The following TXK variants were observed in gnomAD, a reference collection of about 807,000 sequenced individuals.
TXK encodes the protein tyrosine-protein kinase TXK.
In TXK, 60 loss-of-function variants were observed where a neutral mutation model predicts 81.0. The observed-to-expected ratio is 0.74, with a 90% CI of 0.60 to 0.92. The LOEUF (loss-of-function observed/expected upper bound fraction) is 0.92, where lower values mean the gene tolerates loss of function less well. Ranked by LOEUF, TXK falls within the 40% of genes least tolerant of loss-of-function variation. TXK has a pLI of 0.00. For synonymous variants in TXK, 203 were observed against 210.7 expected, an observed-to-expected ratio of 0.96 and a Z score of 0.32; for missense variants, 581 against 638.3, an observed-to-expected ratio of 0.91 and a Z score of 0.97.
In TXK at chr4:48,101,202, T is replaced by C. The variant is rs372717193; in HGVS notation, c.501+3699A>G. Among the ~76,000 whole-genome samples the C allele has an allele frequency of 8.5e-5, 13 of 152,216 alleles. No homozygotes were observed. In the East Asian group the frequency reaches 1.3e-3, roughly 16 times the overall value. On this transcript the variant is annotated intron_variant, in intron 6 of 14. Transcript: ENST00000264316. ...TGCCATGAATTGTTTGTGCAATAAA[T>C]TTGAAAATAAATTTAAAATAGGCAA... is the stretch of plus-strand genomic sequence containing the variant.
chr4:48,102,635 C>A (rs1472865), intron 6 of TXK, among the ~76,000 whole-genome samples: 7 of 152,032 alleles, frequency 4.6e-5, no homozygotes, highest in African/African-American at 1.4e-4. Context: ...CCATCTCGCC[C>A]TTGTGTACAA....
chr4:48,095,071 A>C (rs1717930919), intron 7 of TXK, 72 bp downstream of exon 7: 2 of 1,273,492 alleles, frequency 1.6e-6, no homozygotes. Flanking sequence ...CTAAGCTCTC[A>C]CTAACATTCT....
At chr4:48,099,817 C>A (rs1194515153) in intron 6 of TXK, among the ~76,000 whole-genome samples, 2 of 152,120 alleles carry the variant, frequency 1.3e-5, no homozygotes, top group African/African-American at 4.8e-5. Flanking sequence ...TGGTAACCAT[C>A]CAGAAAACAA....
At chr4:48,108,771 A>G (rs1460346829) in intron 5 of TXK, among the ~76,000 whole-genome samples, 1 of 152,226 alleles carries the variant, frequency 6.6e-6, no homozygotes, top group Middle Eastern at 3.2e-3. Flanking sequence ...TAGCAGTTGT[A>G]GCCCCAGAGT....
At chr4:48,093,041 C>CT (rs1446610841) in intron 8 of TXK, among the ~76,000 whole-genome samples, 1 of 152,188 alleles carries the variant, frequency 6.6e-6, no homozygotes, top group Non-Finnish European at 1.5e-5. Context: ...ACCACTCTTT[C>CT]TTTTTTCTTT....
At chr4:48,102,973 G>A (rs1256935636) in intron 6 of TXK, among the ~76,000 whole-genome samples, 1 of 152,112 alleles carries the variant, frequency 6.6e-6, no homozygotes, top group South Asian at 2.1e-4. Flanking sequence ...CCCTTCTACC[G>A]CGATTGCCTC....
At chr4:48,132,243 A>G in intron 1 of TXK, among the ~76,000 whole-genome samples, 1 of 152,158 alleles carries the variant, frequency 6.6e-6, no homozygotes. Context: ...GCTTGGTTCC[A>G]TCGTCACCTA....
intron 9 of TXK, among the ~76,000 whole-genome samples, chr4:48,087,258 C>G (rs1453122412): frequency 6.6e-6 from 1 of 151,940 alleles, no homozygotes; most frequent in Non-Finnish European, 1.5e-5. Flanking sequence ...TAAAATAACC[C>G]TCTTGAAAAC....
At chr4:48,129,162 T>C (rs145553226) in intron 1 of TXK, among the ~76,000 whole-genome samples, 2 of 152,236 alleles carry the variant, frequency 1.3e-5, no homozygotes, top group African/African-American at 4.8e-5. Flanking sequence ...TCTGAGTTTA[T>C]GCCCTTTATA....
chr4:48,118,884 C>T (rs1208640946), intron 1 of TXK, among the ~76,000 whole-genome samples: 1 of 152,260 alleles, frequency 6.6e-6, no homozygotes, highest in East Asian at 1.9e-4. Context: ...GAAAACTTGA[C>T]ATACTTAGAT....
intron 6 of TXK, among the ~76,000 whole-genome samples, chr4:48,098,583 G>A (rs989428559): frequency 2.0e-5 from 3 of 151,324 alleles, no homozygotes; most frequent in South Asian, 4.1e-4. Flanking sequence ...ATAGGAATGC[G>A]TGTGTACTTC....
chr4:48,117,138 C>T (rs1718834701), intron 1 of TXK, among the ~76,000 whole-genome samples: 1 of 152,164 alleles, frequency 6.6e-6, no homozygotes, highest in South Asian at 2.1e-4. Flanking sequence ...TCCGCCCAAC[C>T]TGGCCTCCCA....
intron 1 of TXK, among the ~76,000 whole-genome samples, chr4:48,114,742 C>T (rs893598489): frequency 6.6e-6 from 1 of 152,172 alleles, no homozygotes; most frequent in African/African-American, 2.4e-5. Context: ...AAGTGATGCT[C>T]TCCTAGGAAA....
At chr4:48,070,362 T>C (rs1468942862) in intron 14 of TXK, among the ~76,000 whole-genome samples, 1 of 152,240 alleles carries the variant, frequency 6.6e-6, no homozygotes, top group Non-Finnish European at 1.5e-5. Context: ...CTGACACACT[T>C]TCTGCCTCCA....
At chr4:48,071,213 A>T (rs140898827) in intron 14 of TXK, among the ~76,000 whole-genome samples, 1 of 152,262 alleles carries the variant, frequency 6.6e-6, no homozygotes, top group East Asian at 1.9e-4. Context: ...TAATTCTTAA[A>T]GCTAATAAAA....
rs376549102 is a variant in TXK, at chr4:48,094,036, C to T, written c.709+41G>A. The stretch of plus-strand genomic sequence containing the variant: ...CCAAAGATGCATTGCCCATCAAGGG[C>T]ATGGCTCCCTGACTCACCCAGCTGG... On this transcript the variant is annotated intron_variant, in intron 8 of 14. Coordinates refer to ENST00000264316, the MANE Select transcript of TXK (RefSeq NM_003328.3). The T allele has an allele frequency of 8.7e-6, 14 of 1,612,296 alleles. No individual in the cohort carries two copies. The African/African-American group carries it at 1.6e-4, about 18-fold the overall frequency.
intron 6 of TXK, among the ~76,000 whole-genome samples, chr4:48,099,903 G>A (rs1018921476): frequency 4.6e-5 from 7 of 152,302 alleles, no homozygotes; most frequent in Middle Eastern, 3.4e-3. Context: ...GCGTAAAATA[G>A]GCCGGGCGCG....
chr4:48,079,169 G>A (rs1276000172), intron 11 of TXK, among the ~76,000 whole-genome samples: 1 of 152,114 alleles, frequency 6.6e-6, no homozygotes, highest in African/African-American at 2.4e-5. Context: ...ACTTTGGGAG[G>A]AATTTATAGT....
intron 8 of TXK, among the ~76,000 whole-genome samples, chr4:48,092,348 CA>C (rs1717808552): frequency 6.6e-6 from 1 of 151,808 alleles, no homozygotes; most frequent in African/African-American, 2.4e-5. Context: ...TAGAGAAGGC[CA>C]AAAAGGGGTG....
Sources: gnomAD v4.1 joint callset for allele counts (sites outside exome capture counted in the v4.1 genomes callset) on GRCh38, gnomAD v4.1.1 for gene constraint, MANE v1.5 for transcripts, NCBI Gene and HGNC (gene_info 2026-07-23, HGNC 2026-07-21) for gene names.